TNRC18: variants seen among roughly 807,000 people sequenced by gnomAD.
The protein encoded by TNRC18 is trinucleotide repeat-containing gene 18 protein.
A neutral mutation model predicts 226.7 loss-of-function variants in TNRC18; 69 were observed. The observed-to-expected ratio is 0.30, with a 90% confidence interval of 0.25 to 0.37. TNRC18 has a LOEUF of 0.37. Ranked by LOEUF, TNRC18 falls within the 10% of genes least tolerant of loss-of-function variation. The probability of loss-of-function intolerance (pLI) is 1.00; values close to 1 mark genes in which losing one functional copy is unlikely to be tolerated. For missense variants in TNRC18, 4,754 were observed against 4,256.6 expected (o/e 1.12, Z -3.25); for synonymous variants, 2,449 against 1,927.6 (o/e 1.27, Z -7.09).
At chr7:5,390,315 CA>C in intron 4 of TNRC18, 169 bp downstream of exon 4, 1 of 710,248 alleles carries the variant, frequency 1.4e-6, no homozygotes. Flanking sequence ...CCTATGATCG[CA>C]CCACTGCACT....
intron 2 of TNRC18, among the ~76,000 whole-genome samples, chr7:5,397,305 A>G (rs1456328664): frequency 6.6e-6 from 1 of 152,182 alleles, no homozygotes; most frequent in Non-Finnish European, 1.5e-5. Context: ...AAGAGCTTAC[A>G]TCAGCCGCCA....
chr7:5,397,613 C>T (rs889396385), intron 2 of TNRC18, among the ~76,000 whole-genome samples: 6 of 152,232 alleles, frequency 3.9e-5, no homozygotes, highest in African/African-American at 1.4e-4. Context: ...CCTCACCTCA[C>T]TCTCCAGAAC....
intron 14 of TNRC18, among the ~76,000 whole-genome samples, chr7:5,360,921 G>A (rs753574274): frequency 2.6e-4 from 39 of 152,196 alleles, no homozygotes; most frequent in Non-Finnish European, 4.4e-4. Flanking sequence ...GTCTTGAGCC[G>A]CCTAGCGTCT....
intron 17 of TNRC18, among the ~76,000 whole-genome samples, chr7:5,349,994 C>A (rs1466757210): frequency 6.6e-6 from 1 of 152,174 alleles, no homozygotes; most frequent in Non-Finnish European, 1.5e-5. Flanking sequence ...CAGCCCGGAG[C>A]CCCTTCCTAA....
rs1181993946 is a variant in TNRC18, at chr7:5,362,825, C to G, written c.4220G>C (p.Gly1407Ala). Reference protein sequence around the residue: ...ELERRSQEMGGAERALVARPS... With the variant: ...ELERRSQEMGAAERALVARPS... ...CCGCGCCACCAGGGCCCGCTCCGCACCTGTGGACAGGAGGTAGGTAACAGG... is the reference window on the plus strand; with the variant it reads ...CCGCGCCACCAGGGCCCGCTCCGCAGCTGTGGACAGGAGGTAGGTAACAGG... Residue 1407 changes from glycine (G) to alanine (A), a missense_variant and splice_region_variant, in exon 12 of 30, where the codon GGT becomes GCT. Gly to Ala is a moderately conservative substitution (Grantham distance 60). Transcript: ENST00000430969. 6.5e-7 allele frequency: 1 copy of G among 1,529,050 alleles called. No homozygotes were observed. Among genetic ancestry groups the G allele is most frequent in the African/African-American group, 1.4e-5 (1 of 72,698 alleles). 94.7% of individuals were successfully genotyped at this position (1,529,050 alleles called of 1,614,324 possible).
intron 2 of TNRC18, among the ~76,000 whole-genome samples, chr7:5,397,311 C>T (rs192809220): frequency 5.3e-5 from 8 of 152,330 alleles, no homozygotes; most frequent in Admixed American, 3.3e-4. Context: ...TTACATCAGC[C>T]GCCAGCTCTT....
Position 5,374,423 on chromosome 7 carries a change from C to T in TNRC18, c.2861G>A (p.Gly954Asp), listed in dbSNP as rs1794445418. The T allele has an allele frequency of 1.3e-6, 2 of 1,543,196 alleles. No homozygotes were observed. Among genetic ancestry groups the T allele is most frequent in the South Asian group, 1.2e-5 (1 of 83,900 alleles). ...GCCAGCCTTGCCCGCAGCCTCCAGGCCCCGCTTGCTCCCCTTCTCTTCCAT... is the reference window on the plus strand; with the variant it reads ...GCCAGCCTTGCCCGCAGCCTCCAGGTCCCGCTTGCTCCCCTTCTCTTCCAT... Reference protein sequence around the residue: ...AEMEEKGSKRGLEAAGKAGLA... With the variant: ...AEMEEKGSKRDLEAAGKAGLA... The change falls in exon 10 of 30, where the codon GGC (glycine) becomes GAC (aspartate). Residue 954 changes from glycine to aspartate, a missense_variant. Physicochemically the swap from Gly to Asp is moderately conservative, Grantham distance 94. Transcript: ENST00000430969.
chr7:5,392,671 A>G (rs1780386397), intron 3 of TNRC18, among the ~76,000 whole-genome samples: 1 of 152,028 alleles, frequency 6.6e-6, no homozygotes, highest in African/African-American at 2.4e-5. Context: ...GCTCTCCCAC[A>G]CAGGCATCAG....
At chr7:5,345,517 G>GGGGGGGCCCCCCCCCCCCCCCCCCCC in intron 18 of TNRC18, 45 bp downstream of exon 18, 4 of 377,742 alleles carry the variant, frequency 1.1e-5, no homozygotes, top group Non-Finnish European at 1.9e-5. Flanking sequence ...AATGGCGTCC[G>GGGGGGGCCCCCCCCCCCCCCCCCCCC]CCCCTCCCAC....
In TNRC18 at chr7:5,362,739, G is replaced by A. The variant is rs1314527163; in HGVS notation, c.4306C>T (p.Pro1436Ser). The A allele has an allele frequency of 1.3e-6, 2 of 1,572,578 alleles. No homozygotes were observed. Among genetic ancestry groups the A allele is most frequent in the African/African-American group, 1.4e-5 (1 of 73,920 alleles). The change falls in exon 12 of 30, where the codon CCC becomes TCC. Residue 1436 changes from proline (P) to serine (S), a missense_variant. By Grantham distance (74) the Pro-to-Ser change is moderately conservative. Coordinates refer to ENST00000430969, the MANE Select transcript of TNRC18 (RefSeq NM_001080495.3). Reference protein sequence around the residue: ...SHMLREVLDGPVVDPLKNLRL... With the variant: ...SHMLREVLDGSVVDPLKNLRL... ...AGGTTCTTGAGTGGGTCCACCACGG[G>A]CCCATCCAGCACCTCCCTCAGCATG...
In TNRC18 at chr7:5,370,579, G is replaced by A; in HGVS notation, c.4015C>T (p.Leu1339=). ...GCCGCCAGGGCGTTCATGCCAGCCA[G>A]TGGGTCCTCCAGACTGGGCAGGAAC... ...DQFLPSLEDP[L]AGMNALAAAA... The change falls in exon 11 of 30, where the codon CTG becomes TTG. Residue 1339 remains leucine (L), a synonymous_variant. Coordinates refer to ENST00000430969, the MANE Select transcript of TNRC18 (RefSeq NM_001080495.3). 6.8e-6 allele frequency: 11 copies of A among 1,613,126 alleles called. No individual in the cohort carries two copies. Among genetic ancestry groups the A allele is most frequent in the Non-Finnish European group, 9.3e-6 (11 of 1,179,650 alleles).
chr7:5,393,783 G>C (rs1227278310), intron 3 of TNRC18, among the ~76,000 whole-genome samples: 1 of 152,178 alleles, frequency 6.6e-6, no homozygotes, highest in Non-Finnish European at 1.5e-5. Flanking sequence ...CACGACCCCG[G>C]GGAAGCCAGG....
At position 5,377,313 on chromosome 7, in the gene TNRC18, C is replaced by CCCCCCCCCCCCCCCCCCCA; in HGVS notation, c.2461+57_2461+58insTGGGGGGGGGGGGGGGGGG. On this transcript the variant is annotated intron_variant, in intron 7 of 29. Transcript: ENST00000430969. The surrounding 1 kb of genome is among the most constrained non-coding windows in gnomAD (Gnocchi z 5.8). ...GCCAGCCCTGAGCTCTTGTCCTGCA[C>CCCCCCCCCCCCCCCCCCCA]CCGCCCCCTCCCACCCCTCCCTCAG... The CCCCCCCCCCCCCCCCCCCA allele has an allele frequency of 1.6e-6, 2 of 1,223,716 alleles. No individual in the cohort carries two copies. Among genetic ancestry groups the CCCCCCCCCCCCCCCCCCCA allele is most frequent in the Non-Finnish European group, 2.3e-6 (2 of 884,892 alleles). The allele number at this position is 1,223,716 out of a possible 1,614,324, so 75.8% of individuals were successfully genotyped here. A position where few individuals can be genotyped will look rare whatever the true frequency, so the allele number is the denominator to read the frequency against.
intron 8 of TNRC18, 129 bp from the exon 9 acceptor site, chr7:5,376,353 C>T: frequency 1.2e-6 from 1 of 844,580 alleles, no homozygotes. Flanking sequence ...CTGCGGGCCC[C>T]CGGCTGCTCC....
rs1044273859 is a variant in TNRC18 at position 5,396,831 on chromosome 7, C to G, written c.188-2236G>C. On this transcript the variant is annotated intron_variant, in intron 2 of 29. Coordinates refer to ENST00000430969, the MANE Select transcript of TNRC18 (RefSeq NM_001080495.3). ...CCCCGGTCCAGCCTGTGGGAGCTCA[C>G]AGATCCCAGTCCAGCCTCTGAGTCC... Among the ~76,000 whole-genome samples, 16 of 152,164 alleles carry G rather than the reference C, an allele frequency of 1.1e-4. 1 individual carries two copies. Among genetic ancestry groups the G allele is most frequent in the Admixed American group, 2.6e-4 (4 of 15,268 alleles).
chr7:5,377,976 C>T lies in TNRC18; in HGVS notation c.2201G>A (p.Arg734Gln), dbSNP rs770701991. 9.3e-6 allele frequency: 15 copies of T among 1,613,326 alleles called. No homozygotes were observed. In the Admixed American group the frequency reaches 1.0e-4, roughly 11 times the overall value. The change falls in exon 6 of 30, where the codon CGG becomes CAG. Residue 734 changes from arginine (R) to glutamine (Q), a missense_variant. By Grantham distance (43) the Arg-to-Gln change is conservative (BLOSUM62 1). Transcript: ENST00000430969. The surrounding 1 kb of genome is among the most constrained non-coding windows in gnomAD (Gnocchi z 5.8). ...EDCVDDRARH[R>Q]EERLLGARLD... ...CCGTGCCCCGAGCAGCCGTTCCTCC[C>T]GGTGTCTGGCCCGGTCGTCCACACA...
intron 11 of TNRC18, among the ~76,000 whole-genome samples, chr7:5,365,930 G>A (rs562049078): frequency 6.6e-6 from 1 of 152,232 alleles, no homozygotes; most frequent in South Asian, 2.1e-4. Flanking sequence ...AACTAGCCGG[G>A]CCTGGTGGCG....
rs762991082 is a variant in TNRC18 at position 5,376,183 on chromosome 7, C to T, written c.2650G>A (p.Ala884Thr). ...ERATVPPLWP[A>T]LYPPGRSPLH... ...GGGCTGCGGCCCGGCGGGTACAGGG[C>T]GGGCCAGAGGGGCGGTACGGTGGCC... The change falls in exon 9 of 30, where the codon GCC becomes ACC. Residue 884 changes from alanine to threonine, a missense_variant. Ala to Thr is a moderately conservative substitution (Grantham distance 58). Coordinates refer to ENST00000430969, the MANE Select transcript of TNRC18 (RefSeq NM_001080495.3). 67 of 1,560,664 alleles carry T rather than the reference C, an allele frequency of 4.3e-5. No homozygotes were observed. The highest frequency in any genetic ancestry group is 1.7e-4 in the Middle Eastern group (1 of 5,912).
At chr7:5,356,788 G>A (rs1237766141) in intron 16 of TNRC18, 128 bp downstream of exon 16, 5 of 1,323,546 alleles carry the variant, frequency 3.8e-6, no homozygotes, top group Non-Finnish European at 5.0e-6. Context: ...GCACTGTAGT[G>A]CGCCCCAGAG....
Sources: allele counts gnomAD v4.1 joint callset (sites outside exome capture counted in the v4.1 genomes callset), GRCh38; gene constraint gnomAD v4.1.1; non-coding constraint Gnocchi (gnomAD v3.1); transcripts MANE v1.5; gene names NCBI Gene and HGNC (gene_info 2026-07-23, HGNC 2026-07-21).